Variants in MSRB3 observed in about 807,000 individuals in gnomAD.
MSRB3 encodes the protein methionine sulfoxide reductase B3.
In MSRB3, 13 loss-of-function variants were observed where a neutral mutation model predicts 21.0. The ratio of observed to expected loss-of-function variants is 0.62; its 90% CI spans 0.40 to 0.98. The LOEUF (loss-of-function observed/expected upper bound fraction) is 0.98. Ranked by LOEUF, MSRB3 falls within the 50% of genes least tolerant of loss-of-function variation. The pLI, the probability that MSRB3 is intolerant of heterozygous loss-of-function variation, is 0.00. For synonymous variants in MSRB3, 87 were observed against 88.6 expected (o/e 0.98, Z 0.10); for missense variants, 199 against 230.3 (o/e 0.86, Z 0.88).
At chr12:65,381,402 T>C (rs1878932345) in intron 5 of MSRB3, among the ~76,000 whole-genome samples, 1 of 152,164 alleles carries the variant, frequency 6.6e-6, no homozygotes, top group Non-Finnish European at 1.5e-5. Context: ...TGCTCATTCC[T>C]GGGCAGAAAT....
intron 5 of MSRB3, among the ~76,000 whole-genome samples, chr12:65,449,427 G>T (rs1315786952): frequency 6.6e-6 from 1 of 152,098 alleles, no homozygotes; most frequent in Non-Finnish European, 1.5e-5. Flanking sequence ...GAGGTTAGCA[G>T]ATTCCAGCTA....
chr12:65,453,875 G>T, intron 6 of MSRB3, 50 bp downstream of exon 6: 2 of 1,482,508 alleles, frequency 1.3e-6, no homozygotes, highest in South Asian at 2.3e-5. Flanking sequence ...AGGACTCCTG[G>T]TTGTGCTAAA....
intron 5 of MSRB3, among the ~76,000 whole-genome samples, chr12:65,436,876 C>T (rs931769877): frequency 1.3e-5 from 2 of 151,850 alleles, no homozygotes; most frequent in Non-Finnish European, 2.9e-5. Context: ...GATTTACATG[C>T]CAACTTCACT....
chr12:65,413,969 A>G (rs1237383499), intron 5 of MSRB3, among the ~76,000 whole-genome samples: 1 of 152,176 alleles, frequency 6.6e-6, no homozygotes, highest in Non-Finnish European at 1.5e-5. Context: ...TGATAAATGT[A>G]TACCTGGTTT....
intron 5 of MSRB3, among the ~76,000 whole-genome samples, chr12:65,378,890 C>T (rs1370387853): frequency 6.6e-6 from 1 of 152,090 alleles, no homozygotes; most frequent in Non-Finnish European, 1.5e-5. Context: ...GACACAAAAT[C>T]GCAAGAAAAA....
At chr12:65,299,072 A>G (rs953659627) in intron 1 of MSRB3, among the ~76,000 whole-genome samples, 3 of 152,154 alleles carry the variant, frequency 2.0e-5, no homozygotes, top group South Asian at 4.2e-4. Context: ...CTGCAACTCC[A>G]CCTCTTTCTA....
chr12:65,334,477 ACT>A (rs1181924674), intron 4 of MSRB3, among the ~76,000 whole-genome samples: 1 of 152,164 alleles, frequency 6.6e-6, no homozygotes, highest in Non-Finnish European at 1.5e-5. Flanking sequence ...TATTTTAGTC[ACT>A]CTGGTTATTT....
rs748585745 is a variant in MSRB3, at chr12:65,368,979, A to T, written c.264-19A>T. 3 of 1,391,434 alleles carry T rather than the reference A, an allele frequency of 2.2e-6. No individual in the cohort carries two copies. The highest frequency in any genetic ancestry group is 2.9e-6 in the Non-Finnish European group (3 of 1,032,086). 86.2% of individuals were successfully genotyped at this position (1,391,434 alleles called of 1,614,324 possible). On this transcript the variant is annotated intron_variant, in intron 4 of 6. Transcript: ENST00000308259. The stretch of plus-strand genomic sequence containing the variant: ...TACAAACAGTTTTTATATTGTAAAA[A>T]CTTTCTTTCTCTTTGCAGGTCAGAA...
intron 6 of MSRB3, among the ~76,000 whole-genome samples, chr12:65,458,125 A>C (rs530971527): frequency 6.6e-6 from 1 of 152,308 alleles, no homozygotes; most frequent in East Asian, 1.9e-4. Flanking sequence ...TTAACTGCCA[A>C]CTTCTACAAA....
intron 2 of MSRB3, among the ~76,000 whole-genome samples, chr12:65,314,739 TTAAA>T: frequency 6.6e-6 from 1 of 152,294 alleles, no homozygotes; most frequent in South Asian, 2.1e-4. Flanking sequence ...ACAAGAGAGT[TTAAA>T]TAGGCATGAA....
chr12:65,284,413 G>A (rs2136384545), intron 1 of MSRB3: 1 of 152,342 alleles, frequency 6.6e-6, no homozygotes, highest in African/African-American at 2.4e-5. Flanking sequence ...ATTGGATATT[G>A]GGAAAGAAAG....
At chr12:65,301,805 G>A (rs1400913641) in intron 1 of MSRB3, among the ~76,000 whole-genome samples, 3 of 152,232 alleles carry the variant, frequency 2.0e-5, no homozygotes, top group South Asian at 4.1e-4. Flanking sequence ...CTACTTATTT[G>A]TGTGAGTCTA....
At chr12:65,412,128 T>C (rs4762095) in intron 5 of MSRB3, among the ~76,000 whole-genome samples, 81,538 of 151,946 alleles carry the variant, frequency 0.54, 22,353 homozygotes, top group Non-Finnish European at 0.62. Flanking sequence ...TTTAATTTCA[T>C]AGTTATTTCT....
intron 2 of MSRB3, among the ~76,000 whole-genome samples, chr12:65,312,299 T>G (rs867154491): frequency 2.0e-5 from 3 of 152,042 alleles, no homozygotes; most frequent in African/African-American, 2.4e-5. Context: ...TACAGAGAAG[T>G]CTGCTGAGTT....
At chr12:65,435,605 G>A (rs1219683185) in intron 5 of MSRB3, among the ~76,000 whole-genome samples, 1 of 151,814 alleles carries the variant, frequency 6.6e-6, no homozygotes, top group Non-Finnish European at 1.5e-5. Flanking sequence ...GCAGTATAAT[G>A]TTACACTACA....
At chr12:65,449,753 G>A (rs1882777336) in intron 5 of MSRB3, among the ~76,000 whole-genome samples, 1 of 152,128 alleles carries the variant, frequency 6.6e-6, no homozygotes, top group South Asian at 2.1e-4. Context: ...TTTATTTTAG[G>A]GTGGGGAAGG....
intron 4 of MSRB3, among the ~76,000 whole-genome samples, chr12:65,356,884 C>T (rs115520302): frequency 1.3e-5 from 2 of 151,974 alleles, no homozygotes; most frequent in African/African-American, 4.8e-5. Context: ...TTTATACTAT[C>T]TCTTTTCAAG....
chr12:65,443,907 C>T (rs553278952), intron 5 of MSRB3, among the ~76,000 whole-genome samples: 305 of 152,156 alleles, frequency 2.0e-3, no homozygotes, highest in Non-Finnish European at 3.8e-3. Context: ...TACTTTCTGT[C>T]TCTGTAATTT....
At chr12:65,301,725 G>A (rs890222508) in intron 1 of MSRB3, among the ~76,000 whole-genome samples, 1 of 152,024 alleles carries the variant, frequency 6.6e-6, no homozygotes, top group South Asian at 2.1e-4. Flanking sequence ...GTTGATCTTC[G>A]GTGTGATAAC....
Sources: allele counts gnomAD v4.1 joint callset (sites outside exome capture counted in the v4.1 genomes callset), GRCh38; gene constraint gnomAD v4.1.1; transcripts MANE v1.5; gene names NCBI Gene and HGNC (gene_info 2026-07-23, HGNC 2026-07-21).